Variants in GABRG1 observed in about 807,000 individuals in gnomAD.
GABRG1 encodes the protein gamma-aminobutyric acid receptor subunit gamma-1.
A neutral mutation model predicts 49.8 loss-of-function variants in GABRG1; 49 were observed. The ratio of observed to expected loss-of-function variants is 0.98; its 90% CI spans 0.78 to 1.25. GABRG1 has a LOEUF of 1.25. GABRG1 is among the 50% of genes most tolerant of loss of function. GABRG1 has a pLI of 0.00. For synonymous variants in GABRG1, 232 were observed against 185.1 expected, an observed-to-expected ratio of 1.25 and a Z score of -2.06; for missense variants, 552 against 552.3, an observed-to-expected ratio of 1.00 and a Z score of 0.01.
At chr4:46,073,342 T>C (rs1719210228) in intron 3 of GABRG1, among the ~76,000 whole-genome samples, 1 of 151,990 alleles carries the variant, frequency 6.6e-6, no homozygotes, top group Non-Finnish European at 1.5e-5. Flanking sequence ...TCATAGAACG[T>C]GTAAGAGATT....
intron 1 of GABRG1, among the ~76,000 whole-genome samples, chr4:46,107,164 C>T (rs34713719): frequency 0.09 from 13,534 of 151,070 alleles, 1,088 homozygotes; most frequent in African/African-American, 0.21. Flanking sequence ...TCATTCATTC[C>T]ATTTTTTGTA....
intron 3 of GABRG1, among the ~76,000 whole-genome samples, chr4:46,074,770 G>A (rs1416716459): frequency 6.6e-6 from 1 of 151,964 alleles, no homozygotes; most frequent in Non-Finnish European, 1.5e-5. Flanking sequence ...AAGGGATAAG[G>A]TATTGTCTTT....
At chr4:46,069,543 G>T (rs972696145) in intron 3 of GABRG1, among the ~76,000 whole-genome samples, 13 of 152,048 alleles carry the variant, frequency 8.5e-5, no homozygotes, top group Admixed American at 8.5e-4. Flanking sequence ...GAACAAAGAG[G>T]TTATGCCAAT....
intron 3 of GABRG1, among the ~76,000 whole-genome samples, chr4:46,076,923 T>C (rs1391893484): frequency 2.0e-5 from 3 of 151,782 alleles, no homozygotes; most frequent in African/African-American, 7.2e-5. Context: ...GAAATAATAA[T>C]GGTGGCTAAA....
chr4:46,050,699 T>A (rs192775839), intron 8 of GABRG1, among the ~76,000 whole-genome samples: 2 of 151,858 alleles, frequency 1.3e-5, no homozygotes, highest in East Asian at 3.9e-4. Context: ...CAGGTCTGAG[T>A]CTTGGATCTT....
At chr4:46,057,945 T>A (rs1432566053) in intron 7 of GABRG1, among the ~76,000 whole-genome samples, 4 of 152,144 alleles carry the variant, frequency 2.6e-5, no homozygotes, top group African/African-American at 9.7e-5. Flanking sequence ...TTTCATGTAT[T>A]AATTCTTGTT....
chr4:46,086,175 G>A (rs1297526589), intron 2 of GABRG1, among the ~76,000 whole-genome samples: 4 of 151,532 alleles, frequency 2.6e-5, no homozygotes, highest in Non-Finnish European at 5.9e-5. Context: ...TTGCTCAACA[G>A]GATATAAGTA....
intron 7 of GABRG1, among the ~76,000 whole-genome samples, chr4:46,057,317 C>A (rs1718490100): frequency 6.6e-6 from 1 of 152,066 alleles, no homozygotes; most frequent in Admixed American, 6.6e-5. Context: ...TAGATGGAAT[C>A]ATTTATAAGC....
chr4:46,092,034 T>C (rs1240317964), intron 2 of GABRG1, among the ~76,000 whole-genome samples: 1 of 152,060 alleles, frequency 6.6e-6, no homozygotes, highest in African/African-American at 2.4e-5. Context: ...TTATGAAGTT[T>C]GGAAAGGAAA....
chr4:46,114,040 C>A (rs933222750), intron 1 of GABRG1, among the ~76,000 whole-genome samples: 40 of 151,016 alleles, frequency 2.6e-4, no homozygotes, highest in African/African-American at 8.5e-4. Context: ...GACCTAAAAT[C>A]AAAAAGTAAA....
chr4:46,095,847 G>T (rs1221179375), intron 2 of GABRG1, among the ~76,000 whole-genome samples: 9 of 151,754 alleles, frequency 5.9e-5, no homozygotes, highest in Admixed American at 5.3e-4. Context: ...TTAGGTTCGG[G>T]GTTACAAGTG....
intron 3 of GABRG1, among the ~76,000 whole-genome samples, chr4:46,078,823 A>C (rs1719455932): frequency 6.6e-6 from 1 of 152,004 alleles, no homozygotes; most frequent in Admixed American, 6.6e-5. Flanking sequence ...ACAAATTAAA[A>C]AATTTTTTGA....
chr4:46,044,772 T>C (rs16859041), intron 8 of GABRG1, among the ~76,000 whole-genome samples: 4,251 of 152,188 alleles, frequency 0.028, 93 homozygotes, highest in African/African-American at 0.048. Context: ...CTTTGAACTA[T>C]GGTTCACCTA....
intron 2 of GABRG1, among the ~76,000 whole-genome samples, chr4:46,093,426 A>G (rs890795810): frequency 6.6e-6 from 1 of 152,070 alleles, no homozygotes; most frequent in Admixed American, 6.6e-5. Flanking sequence ...TCATAGAGTT[A>G]GAATAGAATG....
intron 2 of GABRG1, among the ~76,000 whole-genome samples, chr4:46,096,535 T>A (rs922932757): frequency 6.6e-6 from 1 of 151,700 alleles, no homozygotes; most frequent in Non-Finnish European, 1.5e-5. Flanking sequence ...CTTTTCCCTA[T>A]CACTGCTCAG....
intron 2 of GABRG1, among the ~76,000 whole-genome samples, chr4:46,096,828 TG>T (rs1221083726): frequency 6.6e-6 from 1 of 151,664 alleles, no homozygotes; most frequent in African/African-American, 2.4e-5. Flanking sequence ...CAATATGGCA[TG>T]AAAAAGTATA....
At chr4:46,111,240 C>A (rs1042892037) in intron 1 of GABRG1, among the ~76,000 whole-genome samples, 1 of 150,752 alleles carries the variant, frequency 6.6e-6, no homozygotes, top group African/African-American at 2.4e-5. Context: ...AATGTAATCC[C>A]ATTTACAATA....
At chr4:46,084,190 A>G (rs1384977002) in intron 2 of GABRG1, 137 bp from the exon 3 acceptor site, 6 of 596,936 alleles carry the variant, frequency 1.0e-5, no homozygotes, top group Non-Finnish European at 1.8e-5. Flanking sequence ...TATGAAATGC[A>G]GAAATGTAGC....
intron 8 of GABRG1, among the ~76,000 whole-genome samples, chr4:46,050,395 A>G (rs912203147): frequency 3.3e-5 from 5 of 151,912 alleles, no homozygotes; most frequent in African/African-American, 9.7e-5. Flanking sequence ...AAAGAAACCA[A>G]TGAAAAAAGA....
Sources: allele counts gnomAD v4.1 joint callset (sites outside exome capture counted in the v4.1 genomes callset), GRCh38; gene constraint gnomAD v4.1.1; transcripts MANE v1.5; gene names NCBI Gene and HGNC (gene_info 2026-07-23, HGNC 2026-07-21).